Variants in ANKDD1B observed in about 807,000 individuals in gnomAD.
ANKDD1B encodes the protein ankyrin repeat and death domain containing 1B, also known as ankyrin repeat and death domain-containing protein 1B.
ANKDD1B carries 57 observed loss-of-function variants against 59.7 expected under a neutral mutation model. The observed-to-expected ratio is 0.95, with a 90% CI of 0.77 to 1.19. The LOEUF (loss-of-function observed/expected upper bound fraction) is 1.19. ANKDD1B is among the 50% of genes most tolerant of loss of function. The pLI is 0.00. For synonymous variants in ANKDD1B, 216 were observed against 239.5 expected, an observed-to-expected ratio of 0.90 and a Z score of 0.91; for missense variants, 602 against 641.9, an observed-to-expected ratio of 0.94 and a Z score of 0.67.
At chr5:75,659,724 T>C (rs77345688) in intron 10 of ANKDD1B, among the ~76,000 whole-genome samples, 4,405 of 152,276 alleles carry the variant, frequency 0.029, 214 homozygotes, top group African/African-American at 0.1. Context: ...ACCCCGCTTA[T>C]ATATATCCAT....
rs1317743534 is a variant in ANKDD1B, at chr5:75,636,993, T to TG, written c.798+1112dup. On this transcript the variant is annotated intron_variant, in intron 7 of 13. Coordinates refer to ENST00000601380, the MANE Select transcript of ANKDD1B (RefSeq NM_001276713.2). ...CGGGTGCGCTGGCTCACACCTATAA[T>TG]GCCAGCAGTTTGGGCGGCCGAGGTA... 5.9e-5 allele frequency among the ~76,000 whole-genome samples: 9 copies of TG among 152,086 alleles called. No homozygotes were observed. In the South Asian group the frequency reaches 1.9e-3, roughly 32 times the overall value.
intron 1 of ANKDD1B, among the ~76,000 whole-genome samples, chr5:75,612,077 G>A (rs1286717587): frequency 6.6e-6 from 1 of 152,124 alleles, no homozygotes; most frequent in Non-Finnish European, 1.5e-5. Flanking sequence ...TTAAGGAGGA[G>A]GCTTTTAAAA....
At position 75,659,122 on chromosome 5, in the gene ANKDD1B, C is replaced by T. The variant is rs931304244; in HGVS notation, c.997-161C>T. On this transcript the variant is annotated intron_variant, in intron 9 of 13. Coordinates refer to ENST00000601380, the MANE Select transcript of ANKDD1B (RefSeq NM_001276713.2). ...GTCTCCTTGTTAAACATGTAATTTCCTTTCAGTTTTTCACTATTGCAAATA... is the reference window on the plus strand; with the variant it reads ...GTCTCCTTGTTAAACATGTAATTTCTTTTCAGTTTTTCACTATTGCAAATA... Among the ~76,000 whole-genome samples the T allele has an allele frequency of 8.5e-5, 13 of 152,230 alleles. No homozygotes were observed. The East Asian group carries it at 2.5e-3, about 29-fold the overall frequency.
At chr5:75,655,021 C>G (rs111294448) in intron 8 of ANKDD1B, among the ~76,000 whole-genome samples, 260 of 152,304 alleles carry the variant, frequency 1.7e-3, no homozygotes, top group African/African-American at 5.5e-3. Context: ...CCTCACTTCC[C>G]TTCGTTGTTT....
chr5:75,661,899 A>ATTTTTTT (rs35120763), intron 10 of ANKDD1B, among the ~76,000 whole-genome samples: 5 of 92,802 alleles, frequency 5.4e-5, no homozygotes, highest in Admixed American at 1.5e-4. Context: ...GGCTCCCACA[A>ATTTTTTT]TTTTTTTTTT....
chr5:75,668,436 A>G (rs1373185130), intron 12 of ANKDD1B, among the ~76,000 whole-genome samples: 1 of 152,228 alleles, frequency 6.6e-6, no homozygotes, highest in African/African-American at 2.4e-5. Flanking sequence ...AGATTAGGAA[A>G]GGAACAGAGG....
chr5:75,618,848 C>T (rs1289924816), intron 2 of ANKDD1B, among the ~76,000 whole-genome samples: 1 of 152,142 alleles, frequency 6.6e-6, no homozygotes, highest in African/African-American at 2.4e-5. Context: ...TGGGTTCAAG[C>T]AATTCTCCTG....
chr5:75,623,584 G>A (rs6861279), intron 3 of ANKDD1B, among the ~76,000 whole-genome samples: 40,278 of 151,960 alleles, frequency 0.27, 5,677 homozygotes, highest in South Asian at 0.43. Context: ...CTAACTCACC[G>A]TCTAGAGTGA....
intron 7 of ANKDD1B, among the ~76,000 whole-genome samples, chr5:75,649,098 G>A (rs1774748202): frequency 6.6e-6 from 1 of 151,786 alleles, no homozygotes; most frequent in Admixed American, 6.6e-5. Context: ...TCCAATAAAG[G>A]CTTTTGTAGG....
chr5:75,611,559 T>A lies in ANKDD1B; in HGVS notation c.-76T>A. On this transcript the variant is annotated 5_prime_UTR_variant, in exon 1 of 14. Transcript: ENST00000601380. ...CGCCCTGGGCCTGCCTGGGTCTGGA[T>A]CTGTGTCCGAGTCTGGGTCTGGATC... is the stretch of plus-strand genomic sequence containing the variant. 1 of 1,128,216 alleles carries A rather than the reference T, an allele frequency of 8.9e-7. No homozygotes were observed. Among genetic ancestry groups the A allele is most frequent in the Non-Finnish European group, 1.1e-6 (1 of 898,364 alleles). 69.9% of individuals were successfully genotyped at this position (1,128,216 alleles called of 1,614,324 possible).
chr5:75,614,147 C>G (rs11748027), intron 1 of ANKDD1B, among the ~76,000 whole-genome samples: 1 of 151,906 alleles, frequency 6.6e-6, no homozygotes, highest in Non-Finnish European at 1.5e-5. Flanking sequence ...GAAGACACTT[C>G]TGGATCAGAG....
chr5:75,616,727 A>G, intron 1 of ANKDD1B, 77 bp from the exon 2 acceptor site: 2 of 580,440 alleles, frequency 3.4e-6, no homozygotes, highest in South Asian at 2.9e-5. Flanking sequence ...TGTTGTTACA[A>G]GGTTTGCCCT....
intron 7 of ANKDD1B, among the ~76,000 whole-genome samples, chr5:75,640,148 A>G (rs909619312): frequency 6.6e-6 from 1 of 151,762 alleles, no homozygotes; most frequent in Non-Finnish European, 1.5e-5. Context: ...GGCTCAGGTG[A>G]TCCTCTCACC....
At chr5:75,648,671 C>T (rs774907886) in intron 7 of ANKDD1B, among the ~76,000 whole-genome samples, 4 of 152,182 alleles carry the variant, frequency 2.6e-5, no homozygotes, top group Non-Finnish European at 4.4e-5. Flanking sequence ...CATCAGCACA[C>T]TTCTCAATCA....
At chr5:75,653,673 G>A (rs779852875) in intron 8 of ANKDD1B, among the ~76,000 whole-genome samples, 3 of 152,122 alleles carry the variant, frequency 2.0e-5, no homozygotes, top group East Asian at 1.9e-4. Context: ...GTTTTCTGAC[G>A]TTTGAATTGG....
chr5:75,656,255 A>G, intron 9 of ANKDD1B, 128 bp downstream of exon 9: 1 of 509,918 alleles, frequency 2.0e-6, no homozygotes, highest in South Asian at 2.9e-5. Context: ...CATCCTTTTT[A>G]TCCTTTTCCT....
chr5:75,632,180 A>T (rs1774184325), intron 5 of ANKDD1B, among the ~76,000 whole-genome samples: 1 of 152,122 alleles, frequency 6.6e-6, no homozygotes, highest in Non-Finnish European at 1.5e-5. Flanking sequence ...TAATTCTCTG[A>T]CATAGGCAGT....
intron 1 of ANKDD1B, among the ~76,000 whole-genome samples, chr5:75,612,494 T>C (rs1773597069): frequency 6.6e-6 from 1 of 152,036 alleles, no homozygotes; most frequent in Non-Finnish European, 1.5e-5. Flanking sequence ...CATCCAAGCC[T>C]ACTGGCTGGG....
At chr5:75,633,058 G>T (rs253392) in intron 5 of ANKDD1B, among the ~76,000 whole-genome samples, 111,286 of 152,128 alleles carry the variant, frequency 0.73, 40,839 homozygotes, top group Middle Eastern at 0.81. Flanking sequence ...TGCAGATATT[G>T]ATATATCAAA....
Sources: allele counts gnomAD v4.1 joint callset (sites outside exome capture counted in the v4.1 genomes callset), GRCh38; gene constraint gnomAD v4.1.1; transcripts MANE v1.5; gene names NCBI Gene and HGNC (gene_info 2026-07-23, HGNC 2026-07-21).